Variants in DPP6 observed in about 807,000 individuals in gnomAD.
The protein encoded by DPP6 is dipeptidyl peptidase like 6, also known as A-type potassium channel modulatory protein DPP6.
In DPP6, 69 loss-of-function variants were observed where a neutral mutation model predicts 122.6. The ratio of observed to expected loss-of-function variants is 0.56; its 90% CI spans 0.46 to 0.69. The LOEUF (loss-of-function observed/expected upper bound fraction) is 0.69. DPP6 is among the 30% of genes least tolerant of loss of function. The pLI is 0.00. For synonymous variants in DPP6, 418 were observed against 433.1 expected (o/e 0.97, Z 0.43); for missense variants, 928 against 1,116.9 (o/e 0.83, Z 2.41).
rs554495255 is a variant in DPP6 at position 154,063,064 on chromosome 7, G to C, written c.243+10001G>C. Among the ~76,000 whole-genome samples the C allele has an allele frequency of 4.7e-3, 617 of 131,104 alleles. 72 individuals carry two copies. The highest frequency in any genetic ancestry group is 7.4e-3 in the Non-Finnish European group (440 of 59,676). The allele number at this position is 131,104 out of a possible 152,430, so 86.0% of individuals were successfully genotyped here. A position where few individuals can be genotyped will look rare whatever the true frequency, so the allele number is the denominator to read the frequency against. ...GGGGAGGCACCCCCCACGAGAGTGG[G>C]GACTGAGAGCTATCCCCTCTTCCGC... On this transcript the variant is annotated intron_variant, in intron 1 of 25. Coordinates refer to ENST00000377770, the MANE Select transcript of DPP6 (RefSeq NM_130797.4).
chr7:154,615,654 T>G (rs532986975), intron 5 of DPP6, among the ~76,000 whole-genome samples: 57 of 152,234 alleles, frequency 3.7e-4, no homozygotes, highest in African/African-American at 1.3e-3. Flanking sequence ...TTTTCAACAT[T>G]AAATACTGAC....
chr7:154,026,500 G>A (rs1338423960), intron 1 of DPP6: 1 of 152,200 alleles, frequency 6.6e-6, no homozygotes, highest in Non-Finnish European at 1.5e-5. Context: ...GAAGTTAAGG[G>A]CTTTCTAGAA....
intron 1 of DPP6, among the ~76,000 whole-genome samples, chr7:154,107,598 G>C (rs1806260071): frequency 6.6e-6 from 1 of 152,222 alleles, no homozygotes; most frequent in African/African-American, 2.4e-5. Flanking sequence ...ACATAAGTCT[G>C]TGAGGTGATA....
chr7:154,060,028 C>A lies in DPP6; in HGVS notation c.243+6965C>A, dbSNP rs1056307435. Among the ~76,000 whole-genome samples, 17 of 151,794 alleles carry A rather than the reference C, an allele frequency of 1.1e-4. 1 individual carries two copies. The East Asian group carries it at 2.1e-3, about 19-fold the overall frequency. ...CGCATCGCGGGAGGGGAGGCACCCC[C>A]CGCGAGGCGGGGACTCAGAGCCAAC... On this transcript the variant is annotated intron_variant, in intron 1 of 25. Coordinates refer to ENST00000377770, the MANE Select transcript of DPP6 (RefSeq NM_130797.4).
intron 5 of DPP6, among the ~76,000 whole-genome samples, chr7:154,599,242 G>A (rs1400414567): frequency 6.6e-6 from 1 of 152,116 alleles, no homozygotes; most frequent in Non-Finnish European, 1.5e-5. Flanking sequence ...GAAAACAAAG[G>A]CCCCACAATG....
intron 1 of DPP6, among the ~76,000 whole-genome samples, chr7:154,042,921 C>G (rs1234172621): frequency 1.3e-5 from 2 of 152,152 alleles, no homozygotes; most frequent in African/African-American, 4.8e-5. Context: ...CATTGAGATG[C>G]TCTATGCATT....
At chr7:154,462,433 C>A (rs1240066487) in intron 2 of DPP6, among the ~76,000 whole-genome samples, 3 of 152,022 alleles carry the variant, frequency 2.0e-5, no homozygotes, top group African/African-American at 4.8e-5. Flanking sequence ...TTTCATTGAA[C>A]CTGTAGACTG....
chr7:154,162,546 G>A (rs530698906), intron 1 of DPP6, among the ~76,000 whole-genome samples: 1 of 152,328 alleles, frequency 6.6e-6, no homozygotes, highest in Admixed American at 6.5e-5. Flanking sequence ...ACACTCTGGA[G>A]CTTTTGCTTC....
chr7:154,633,772 G>T (rs1423109641), intron 5 of DPP6, among the ~76,000 whole-genome samples: 1 of 152,150 alleles, frequency 6.6e-6, no homozygotes, highest in Non-Finnish European at 1.5e-5. Context: ...GGAAGACAAT[G>T]ATATTTTATT....
chr7:154,210,708 G>T (rs1204365283), intron 1 of DPP6, among the ~76,000 whole-genome samples: 1 of 152,104 alleles, frequency 6.6e-6, no homozygotes, highest in African/African-American at 2.4e-5. Flanking sequence ...GGTAGAGGAA[G>T]GGGTAAGAGA....
chr7:154,304,750 G>A (rs1806142485), intron 1 of DPP6, among the ~76,000 whole-genome samples: 1 of 152,200 alleles, frequency 6.6e-6, no homozygotes, highest in Admixed American at 6.5e-5. Flanking sequence ...AATCCACTGG[G>A]CAAACAGAAA....
At chr7:153,995,370 A>C (rs1363134401) in intron 1 of DPP6, among the ~76,000 whole-genome samples, 6 of 152,264 alleles carry the variant, frequency 3.9e-5, no homozygotes, top group South Asian at 2.1e-4. Context: ...GTGGATCACA[A>C]GGTCAGGAGG....
chr7:154,822,969 C>CA (rs1448384808), intron 16 of DPP6, among the ~76,000 whole-genome samples: 1 of 152,170 alleles, frequency 6.6e-6, no homozygotes, highest in Non-Finnish European at 1.5e-5. Flanking sequence ...CATAAATTAG[C>CA]ATTTTTAAAT....
At chr7:154,182,927 T>C (rs1798168012) in intron 1 of DPP6, among the ~76,000 whole-genome samples, 1 of 152,164 alleles carries the variant, frequency 6.6e-6, no homozygotes, top group African/African-American at 2.4e-5. Context: ...TGAGCCCTCC[T>C]TTCTCACTTC....
intron 1 of DPP6, among the ~76,000 whole-genome samples, chr7:154,021,501 A>G (rs1798698418): frequency 6.6e-6 from 1 of 152,206 alleles, no homozygotes; most frequent in Non-Finnish European, 1.5e-5. Context: ...TGGCACTTCC[A>G]GAATCCTTTC....
chr7:154,322,720 T>C (rs1285040879), intron 1 of DPP6, among the ~76,000 whole-genome samples: 1 of 152,168 alleles, frequency 6.6e-6, no homozygotes, highest in Non-Finnish European at 1.5e-5. Context: ...ATAGTAGCAT[T>C]TATTGGGTAT....
intron 1 of DPP6, among the ~76,000 whole-genome samples, chr7:153,950,811 G>A (rs968765759): frequency 1.3e-5 from 2 of 152,216 alleles, no homozygotes; most frequent in South Asian, 2.1e-4. Flanking sequence ...GGAACATATC[G>A]GTGGTGGATG....
intron 1 of DPP6, among the ~76,000 whole-genome samples, chr7:154,148,855 A>T (rs1291862026): frequency 6.6e-6 from 1 of 152,162 alleles, no homozygotes; most frequent in East Asian, 1.9e-4. Flanking sequence ...TCTGGGGGAC[A>T]GTGCAGCCAC....
rs2130713822 is a variant in DPP6 at position 154,588,163 on chromosome 7, A to G, written c.627+21247A>G. ...GAGACACGCTGTCATCAGGCCCAAG[A>G]AATACTGCCTTCCCCATCCTATCCC... On this transcript the variant is annotated intron_variant, in intron 5 of 25. Coordinates refer to ENST00000377770, the MANE Select transcript of DPP6 (RefSeq NM_130797.4). 2.0e-6 allele frequency: 3 copies of G among 1,536,098 alleles called. No homozygotes were observed. In the South Asian group the frequency reaches 3.8e-5, roughly 20 times the overall value.
Sources: gnomAD v4.1 joint callset for allele counts (sites outside exome capture counted in the v4.1 genomes callset) on GRCh38, gnomAD v4.1.1 for gene constraint, MANE v1.5 for transcripts, NCBI Gene and HGNC (gene_info 2026-07-23, HGNC 2026-07-21) for gene names.